Variants in ABCA8 observed in about 807,000 individuals in gnomAD.
ABCA8 encodes the protein ABC-type organic anion transporter ABCA8.
A neutral mutation model predicts 192.3 loss-of-function variants in ABCA8; 177 were observed. That is an observed-to-expected ratio of 0.92 (90% confidence interval 0.81 to 1.04). The LOEUF (loss-of-function observed/expected upper bound fraction) is 1.04, where lower values mean the gene tolerates loss of function less well. ABCA8 is among the 50% of genes least tolerant of loss of function. The pLI is 0.00. For missense variants in ABCA8, 1,915 were observed against 1,904.8 expected, an observed-to-expected ratio of 1.01 and a Z score of -0.10; for synonymous variants, 642 against 690.2, an observed-to-expected ratio of 0.93 and a Z score of 1.09.
At chr17:68,935,479 T>G (rs527684157) in intron 5 of ABCA8, among the ~76,000 whole-genome samples, 51 of 147,738 alleles carry the variant, frequency 3.5e-4, no homozygotes, top group African/African-American at 1.2e-3. Flanking sequence ...TAAAGGGACG[T>G]TCTTAAAATT....
intron 13 of ABCA8, among the ~76,000 whole-genome samples, 168 bp downstream of exon 13, chr17:68,921,214 T>G (rs1201657457): frequency 6.8e-6 from 1 of 147,356 alleles, no homozygotes; most frequent in South Asian, 2.2e-4. Flanking sequence ...GTGGGGGGAG[T>G]GGGGAGGGAT....
rs2067551747 is a variant in ABCA8 at position 68,922,190 on chromosome 17, CTCTCTTTTTTTTTTT to C, written c.1501+37_1501+51del. 2.3e-4 allele frequency: 145 copies of C among 639,692 alleles called. 1 individual carries two copies. The highest frequency in any genetic ancestry group is 1.4e-3 in the East Asian group (21 of 14,590). 39.6% of individuals were successfully genotyped at this position (639,692 alleles called of 1,614,324 possible). ...AATATAACAAATATTTTCTTTCTCT[CTCTCTTTTTTTTTTT>C]TTTTTTTTTTTTTTTTTTTTTTTTT... is the stretch of plus-strand genomic sequence containing the variant. On this transcript the variant is annotated intron_variant, in intron 12 of 39. Transcript: ENST00000586539.
At chr17:68,899,338 G>T (rs4968824) in intron 21 of ABCA8, among the ~76,000 whole-genome samples, 63,954 of 151,854 alleles carry the variant, frequency 0.42, 14,049 homozygotes, top group East Asian at 0.56. Flanking sequence ...GTTTATAGGA[G>T]ACACATATCA....
At position 68,906,148 on chromosome 17, in the gene ABCA8, A is replaced by C; in HGVS notation, c.2294T>G (p.Leu765Arg). 1.9e-6 allele frequency: 3 copies of C among 1,582,760 alleles called. No homozygotes were observed. Among genetic ancestry groups the C allele is most frequent in the Non-Finnish European group, 2.6e-6 (3 of 1,167,132 alleles). The change falls in exon 19 of 40, where the codon CTT becomes CGT. Residue 765 changes from leucine to arginine, a missense_variant. By Grantham distance (102) the Leu-to-Arg change is moderately radical. Coordinates refer to ENST00000586539, the MANE Select transcript of ABCA8 (RefSeq NM_001288985.2). ...AATTCCTAGGTCAGGATAGCTATCA[A>C]GATCCTTGTAAAGTTCTAAAGAATA... ...TNKFPELYKD[L>R]DSYPDLGIEN... is the part of the protein sequence containing the mutation.
Position 68,877,572 on chromosome 17 carries a change from C to A in ABCA8, c.4146G>T (p.Val1382=). The change falls in exon 33 of 40, where the codon GTG becomes GTT. Residue 1382 remains valine (V), a synonymous_variant. Transcript: ENST00000586539. ...PNLTVRQHLE[V]YAAVKGLRKG... ...TCCTCAGCCCTTTCACGGCGGCGTA[C>A]ACCTCCAGGTGCTGCCTCACTGTCA... is the stretch of plus-strand genomic sequence containing the variant. The A allele has an allele frequency of 3.1e-6, 5 of 1,614,078 alleles. No individual in the cohort carries two copies. Among genetic ancestry groups the A allele is most frequent in the Non-Finnish European group, 4.2e-6 (5 of 1,179,970 alleles).
rs887091228 is a variant in ABCA8, at chr17:68,929,608, C to T, written c.892G>A (p.Gly298Ser). Residue 298 changes from glycine to serine, a missense_variant, in exon 8 of 40, where the codon GGC becomes AGC. Physicochemically the swap from Gly to Ser is moderately conservative, Grantham distance 56 (BLOSUM62 0). Transcript: ENST00000586539. Reference protein sequence around the residue: ...IRSTQFIILSGFMVVFSLFLL... With the variant: ...IRSTQFIILSSFMVVFSLFLL... ...AAGAGGCTGAAGACTACCATGAAGCCAGACAAAATGATAAACTGGGTAGAT... is the reference window on the plus strand; with the variant it reads ...AAGAGGCTGAAGACTACCATGAAGCTAGACAAAATGATAAACTGGGTAGAT... 2.5e-6 allele frequency: 4 copies of T among 1,613,326 alleles called. No homozygotes were observed. In the African/African-American group the frequency reaches 4.0e-5, roughly 16 times the overall value.
chr17:68,929,766 GGATTCTAA>G, intron 7 of ABCA8, 64 bp from the exon 8 acceptor site: 2 of 1,421,676 alleles, frequency 1.4e-6, no homozygotes, highest in Non-Finnish European at 1.9e-6. Context: ...GACCTGAAAT[GGATTCTAA>G]GATAACTCTT....
At chr17:68,931,387 A>G (rs1218110256) in intron 7 of ABCA8, among the ~76,000 whole-genome samples, 1 of 152,122 alleles carries the variant, frequency 6.6e-6, no homozygotes, top group Non-Finnish European at 1.5e-5. Context: ...TAAAAGTGGC[A>G]TTTTCTTATT....
At chr17:68,872,602 TAAAA>T (rs541108539) in intron 37 of ABCA8, among the ~76,000 whole-genome samples, 1 of 149,460 alleles carries the variant, frequency 6.7e-6, no homozygotes. Flanking sequence ...AAATAAAAAA[TAAAA>T]AAAATAAAAA....
chr17:68,925,505 T>C (rs2067672336), intron 10 of ABCA8, among the ~76,000 whole-genome samples: 1 of 152,244 alleles, frequency 6.6e-6, no homozygotes, highest in Non-Finnish European at 1.5e-5. Context: ...CCAGCTGTAT[T>C]AGTATTCTAT....
rs1165536817 is a variant in ABCA8, at chr17:68,902,715, GT to G, written c.2761del (p.Thr921GlnfsTer17). The G allele has an allele frequency of 6.2e-7, 1 of 1,611,928 alleles. No individual in the cohort carries two copies. The highest frequency in any genetic ancestry group is 1.1e-5 in the South Asian group (1 of 90,930). On this transcript the variant is annotated frameshift_variant, in exon 21 of 40. Coordinates refer to ENST00000586539, the MANE Select transcript of ABCA8 (RefSeq NM_001288985.2). LOFTEE classifies it high-confidence loss of function. ...AAATCAAGTATCCACCATTTTACCT[GT>G]TTTATTGATGATCAGTAGTTGAGTG... ...PLTQLLIINKTGASIDDFIQS... is the reference protein window; with the variant it reads ...PLTQLLIINKXGASIDDFIQS...
intron 24 of ABCA8, among the ~76,000 whole-genome samples, chr17:68,890,784 G>A (rs1190470105): frequency 6.6e-6 from 1 of 152,224 alleles, no homozygotes; most frequent in Non-Finnish European, 1.5e-5. Context: ...TTCCCAAAGT[G>A]CTGAGATTAC....
At chr17:68,923,866 AT>A (rs1395408228) in intron 11 of ABCA8, among the ~76,000 whole-genome samples, 2 of 152,110 alleles carry the variant, frequency 1.3e-5, no homozygotes, top group African/African-American at 4.8e-5. Flanking sequence ...CTATTTTCTC[AT>A]ATCTAGAAAT....
At chr17:68,877,311 G>A (rs1046553039) in intron 33 of ABCA8, 15 of 431,926 alleles carry the variant, frequency 3.5e-5, no homozygotes, top group Admixed American at 8.3e-5. Context: ...GAGCCACTGC[G>A]CCCAGCCTTT....
In ABCA8 at chr17:68,877,665, C is replaced by T; in HGVS notation, c.4053G>A (p.Gly1351=). 2 of 1,611,118 alleles carry T rather than the reference C, an allele frequency of 1.2e-6. No homozygotes were observed. The change falls in exon 33 of 40, where the codon GGG becomes GGA. Residue 1351 remains glycine (G), a synonymous_variant. Coordinates refer to ENST00000586539, the MANE Select transcript of ABCA8 (RefSeq NM_001288985.2). Reference sequence around the variant, plus strand: ...ACTCCAGGGCATCCCCTCCACCGCTCCCTTTCAGTAGCACCTGCAGATGAA... The same window carrying T: ...ACTCCAGGGCATCCCCTCCACCGCTTCCTTTCAGTAGCACCTGCAGATGAA... ...KPTAGQVLLK[G]SGGGDALEFL... is the part of the protein sequence containing the mutation.
rs115351884 is a variant in ABCA8 at position 68,939,905 on chromosome 17, A to T, written c.301+853T>A. 3.1e-3 allele frequency among the ~76,000 whole-genome samples: 478 copies of T among 152,208 alleles called. 3 individuals are homozygous for T. The highest frequency in any genetic ancestry group is 0.011 in the African/African-American group (464 of 41,524). Reference sequence around the variant, plus strand: ...ACTGTAAGAGTTTATTGTTGCATAAATTGTTAATCTTATTTTGCGTTTGCT... The same window carrying T: ...ACTGTAAGAGTTTATTGTTGCATAATTTGTTAATCTTATTTTGCGTTTGCT... On this transcript the variant is annotated intron_variant, in intron 4 of 39. Transcript: ENST00000586539.
chr17:68,938,585 G>A (rs1013262512), intron 4 of ABCA8, among the ~76,000 whole-genome samples: 2 of 152,076 alleles, frequency 1.3e-5, no homozygotes, highest in Non-Finnish European at 2.9e-5. Context: ...TAAAAATTGG[G>A]ATGTAATTCA....
At chr17:68,951,848 C>T (rs2068576584) in intron 1 of ABCA8, among the ~76,000 whole-genome samples, 1 of 152,176 alleles carries the variant, frequency 6.6e-6, no homozygotes, top group Non-Finnish European at 1.5e-5. Context: ...GTTTAGAAAT[C>T]TAAACTGATA....
Position 68,922,194 on chromosome 17 carries a change from C to CTTTTT in ABCA8, c.1501+43_1501+47dup, listed in dbSNP as rs201226205. The CTTTTT allele has an allele frequency of 8.8e-4, 462 of 526,448 alleles. 1 individual carries two copies. The highest frequency in any genetic ancestry group is 3.0e-3 in the Middle Eastern group (4 of 1,314). The allele number at this position is 526,448 out of a possible 1,614,324, so 32.6% of individuals were successfully genotyped here. On this transcript the variant is annotated intron_variant, in intron 12 of 39. Coordinates refer to ENST00000586539, the MANE Select transcript of ABCA8 (RefSeq NM_001288985.2). ...TAACAAATATTTTCTTTCTCTCTCT[C>CTTTTT]TTTTTTTTTTTTTTTTTTTTTTTTT...
Sources: allele counts gnomAD v4.1 joint callset (sites outside exome capture counted in the v4.1 genomes callset), GRCh38; gene constraint gnomAD v4.1.1; transcripts MANE v1.5; gene names NCBI Gene and HGNC (gene_info 2026-07-23, HGNC 2026-07-21).